Variants in NSMCE2 observed in about 807,000 individuals in gnomAD.
The protein encoded by NSMCE2 is E3 SUMO-protein ligase NSE2.
In NSMCE2, 24 loss-of-function variants were observed where a neutral mutation model predicts 23.8. The observed-to-expected ratio is 1.01, with a 90% CI of 0.73 to 1.42. NSMCE2 has a LOEUF of 1.42. Ranked by LOEUF, NSMCE2 falls within the 40% of genes most tolerant of loss-of-function variation. NSMCE2 has a pLI of 0.00. For synonymous variants in NSMCE2, 92 were observed against 94.1 expected (o/e 0.98, Z 0.13); for missense variants, 284 against 296.5 (o/e 0.96, Z 0.31).
At chr8:125,287,114 T>C (rs931764570) in intron 5 of NSMCE2, among the ~76,000 whole-genome samples, 8 of 152,134 alleles carry the variant, frequency 5.3e-5, no homozygotes, top group Non-Finnish European at 1.2e-4. Context: ...GACAGATCAC[T>C]TGAGGTCTGG....
intron 5 of NSMCE2, among the ~76,000 whole-genome samples, chr8:125,349,585 A>T (rs1378567014): frequency 9.7e-5 from 1 of 10,278 alleles, no homozygotes; most frequent in Admixed American, 8.6e-4. Context: ...CTTGTATTTA[A>T]AAAAAAAAAA....
chr8:125,350,971 C>T (rs1416639356), intron 5 of NSMCE2, among the ~76,000 whole-genome samples: 1 of 152,070 alleles, frequency 6.6e-6, no homozygotes, highest in Non-Finnish European at 1.5e-5. Context: ...TGGTTTGGAC[C>T]AAGGCATGAA....
At chr8:125,296,076 G>A (rs1214248889) in intron 5 of NSMCE2, among the ~76,000 whole-genome samples, 2 of 152,006 alleles carry the variant, frequency 1.3e-5, no homozygotes, top group Non-Finnish European at 2.9e-5. Context: ...AAAATAGCTA[G>A]CACTTATTAA....
At position 125,270,175 on chromosome 8, in the gene NSMCE2, A is replaced by G. The variant is rs545966496; in HGVS notation, c.419-87044A>G. Among the ~76,000 whole-genome samples the G allele has an allele frequency of 8.5e-5, 13 of 152,280 alleles. No individual in the cohort carries two copies. In the East Asian group the frequency reaches 1.7e-3, roughly 20 times the overall value. On this transcript the variant is annotated intron_variant, in intron 5 of 7. Transcript: ENST00000287437. ...AACATCCTTATATGACTTACTAAAGAATCTGAAAGGTCCAGGTGCGGTGAC... is the reference window on the plus strand; with the variant it reads ...AACATCCTTATATGACTTACTAAAGGATCTGAAAGGTCCAGGTGCGGTGAC...
intron 5 of NSMCE2, among the ~76,000 whole-genome samples, chr8:125,191,936 G>A (rs912202678): frequency 2.6e-5 from 4 of 152,140 alleles, no homozygotes; most frequent in African/African-American, 9.7e-5. Context: ...GAGGCCACAA[G>A]GATAGCAAAT....
intron 3 of NSMCE2, among the ~76,000 whole-genome samples, chr8:125,103,254 C>T (rs915265289): frequency 1.3e-4 from 20 of 151,394 alleles, no homozygotes; most frequent in African/African-American, 4.1e-4. Context: ...TGCAGTGAGT[C>T]GAGACCGAGC....
chr8:125,114,438 T>C (rs971306426), intron 3 of NSMCE2, among the ~76,000 whole-genome samples: 1 of 152,206 alleles, frequency 6.6e-6, no homozygotes, highest in African/African-American at 2.4e-5. Flanking sequence ...GTCTAACTCA[T>C]TCATATATAC....
At chr8:125,209,968 A>AAT (rs758906118) in intron 5 of NSMCE2, among the ~76,000 whole-genome samples, 1 of 152,226 alleles carries the variant, frequency 6.6e-6, no homozygotes, top group Non-Finnish European at 1.5e-5. Flanking sequence ...ATGCAAATAA[A>AAT]TGTTAGGTGA....
At chr8:125,115,815 A>G (rs1470385395) in intron 3 of NSMCE2, among the ~76,000 whole-genome samples, 1 of 152,228 alleles carries the variant, frequency 6.6e-6, no homozygotes, top group African/African-American at 2.4e-5. Context: ...TGCTGATGCA[A>G]CTGTTTACAA....
chr8:125,144,848 T>C (rs918122229), intron 3 of NSMCE2, among the ~76,000 whole-genome samples: 2 of 152,248 alleles, frequency 1.3e-5, no homozygotes, highest in African/African-American at 4.8e-5. Context: ...CTGTTGATCA[T>C]ATAACTTTAA....
rs1821858539 is a variant in NSMCE2, at chr8:125,166,017, T to A, written c.264+14740T>A. 2.0e-5 allele frequency among the ~76,000 whole-genome samples: 3 copies of A among 152,140 alleles called. No individual in the cohort carries two copies. The South Asian group carries it at 6.2e-4, about 32-fold the overall frequency. ...AGTATTAATAATTTCATAATCTTTA[T>A]TGTGTTGGGTGAGATGTGATAACAG... On this transcript the variant is annotated intron_variant, in intron 4 of 7. Coordinates refer to ENST00000287437, the MANE Select transcript of NSMCE2 (RefSeq NM_173685.4).
chr8:125,127,596 G>A (rs1819576289), intron 3 of NSMCE2, among the ~76,000 whole-genome samples: 1 of 152,088 alleles, frequency 6.6e-6, no homozygotes, highest in Non-Finnish European at 1.5e-5. Flanking sequence ...CTCTTCTTCT[G>A]GAATGGAGCC....
intron 5 of NSMCE2, among the ~76,000 whole-genome samples, chr8:125,203,831 A>C (rs991138703): frequency 6.6e-6 from 1 of 152,222 alleles, no homozygotes; most frequent in Non-Finnish European, 1.5e-5. Context: ...GGGTTTTCCA[A>C]AGTAAACATA....
intron 3 of NSMCE2, among the ~76,000 whole-genome samples, chr8:125,106,535 G>A (rs925944652): frequency 6.6e-5 from 10 of 151,914 alleles, no homozygotes; most frequent in Admixed American, 3.3e-4. Flanking sequence ...AAAATTAGCC[G>A]GGCGTGGTGG....
At chr8:125,143,159 T>C (rs1351922303) in intron 3 of NSMCE2, among the ~76,000 whole-genome samples, 1 of 151,890 alleles carries the variant, frequency 6.6e-6, no homozygotes, top group Non-Finnish European at 1.5e-5. Context: ...TTGCTAGAGA[T>C]AGTTGGAGCT....
intron 5 of NSMCE2, among the ~76,000 whole-genome samples, chr8:125,222,843 G>T (rs916710591): frequency 6.6e-6 from 1 of 152,064 alleles, no homozygotes; most frequent in African/African-American, 2.4e-5. Flanking sequence ...TGGGTGGATT[G>T]CTTGAGCTCC....
At chr8:125,159,959 CAAA>C (rs1201506209) in intron 4 of NSMCE2, among the ~76,000 whole-genome samples, 1 of 102,722 alleles carries the variant, frequency 9.7e-6, no homozygotes, top group Non-Finnish European at 2.1e-5. Flanking sequence ...GACTCTGTCT[CAAA>C]AAAAAAAAAA....
At chr8:125,319,757 T>C (rs13274361) in intron 5 of NSMCE2, among the ~76,000 whole-genome samples, 66,874 of 152,046 alleles carry the variant, frequency 0.44, 16,998 homozygotes, top group East Asian at 0.55. Context: ...CACCAGTGAA[T>C]TGTGGGACAG....
At chr8:125,102,561 T>G in intron 3 of NSMCE2, 74 bp downstream of exon 3, 1 of 1,201,662 alleles carries the variant, frequency 8.3e-7, no homozygotes, top group South Asian at 1.3e-5. Flanking sequence ...TGGGGGTGCC[T>G]TTTGAGTATC....
Sources: gnomAD v4.1 joint callset for allele counts (sites outside exome capture counted in the v4.1 genomes callset) on GRCh38, gnomAD v4.1.1 for gene constraint, MANE v1.5 for transcripts, NCBI Gene and HGNC (gene_info 2026-07-23, HGNC 2026-07-21) for gene names.